The following ODAD2 variants were observed in gnomAD, a reference collection of about 807,000 sequenced individuals.
The protein encoded by ODAD2 is outer dynein arm docking complex subunit 2, also known as outer dynein arm-docking complex subunit 2.
A neutral mutation model predicts 106.8 loss-of-function variants in ODAD2; 89 were observed. The ratio of observed to expected loss-of-function variants is 0.83; its 90% CI spans 0.70 to 0.99. The LOEUF (loss-of-function observed/expected upper bound fraction) is 0.99, where lower values mean the gene tolerates loss of function less well. Among genes scored for constraint, ODAD2 ranks in the 50% least tolerant of loss-of-function variants. ODAD2 has a pLI of 0.00. For missense variants in ODAD2, 1,168 were observed against 1,238.5 expected (o/e 0.94, Z 0.85); for synonymous variants, 404 against 436.2 (o/e 0.93, Z 0.92).
chr10:27,940,931 A>G, intron 12 of ODAD2, 126 bp from the exon 13 acceptor site: 1 of 1,006,606 alleles, frequency 9.9e-7, no homozygotes, highest in Non-Finnish European at 1.4e-6. Context: ...TTAAAAAATC[A>G]CTTTTCGTAC....
At chr10:27,865,061 A>C (rs1484196735) in intron 17 of ODAD2, among the ~76,000 whole-genome samples, 3 of 152,090 alleles carry the variant, frequency 2.0e-5, no homozygotes, top group Non-Finnish European at 2.9e-5. Flanking sequence ...AAATTCTTCC[A>C]CAGCAACCCC....
intron 17 of ODAD2, among the ~76,000 whole-genome samples, chr10:27,885,830 T>A (rs1210904516): frequency 8.5e-5 from 8 of 93,646 alleles, no homozygotes; most frequent in African/African-American, 2.2e-4. Flanking sequence ...AATATATAAA[T>A]ATATATATTT....
At chr10:27,928,037 G>T (rs188694248) in intron 16 of ODAD2, among the ~76,000 whole-genome samples, 1 of 152,134 alleles carries the variant, frequency 6.6e-6, no homozygotes, top group Admixed American at 6.5e-5. Flanking sequence ...GAACCTCAAT[G>T]TCTCTACACA....
In ODAD2 at chr10:27,983,952, G is replaced by C; in HGVS notation, c.710C>G (p.Ala237Gly). Residue 237 changes from alanine to glycine, a missense_variant, in exon 6 of 20, where the codon GCC becomes GGC. Ala to Gly is a moderately conservative substitution (Grantham distance 60). Coordinates refer to ENST00000305242, the MANE Select transcript of ODAD2 (RefSeq NM_018076.5). ...CCCACGAATTTGTCTCCACGGTGGG[G>C]CTCGACATCCATTTGAAAATTCATA... is the stretch of plus-strand genomic sequence containing the variant. ...SDYEFSNGCR[A>G]PPWRQIRGEI... is the part of the protein sequence containing the mutation. 6.2e-7 allele frequency: 1 copy of C among 1,608,206 alleles called. No individual in the cohort carries two copies. Among genetic ancestry groups the C allele is most frequent in the Non-Finnish European group, 8.5e-7 (1 of 1,178,834 alleles).
rs548962858 is a variant in ODAD2 at position 27,971,836 on chromosome 10, T to C, written c.937-523A>G. On this transcript the variant is annotated intron_variant, in intron 7 of 19. Coordinates refer to ENST00000305242, the MANE Select transcript of ODAD2 (RefSeq NM_018076.5). ...CTTTACTAAGAATAAAACAAAAATC[T>C]TTCAAAAATGAAAGCAAAATAAAAA... Among the ~76,000 whole-genome samples, 145 of 152,210 alleles carry C rather than the reference T, an allele frequency of 9.5e-4. 1 individual carries two copies. The South Asian group carries it at 0.016, about 17-fold the overall frequency.
intron 17 of ODAD2, among the ~76,000 whole-genome samples, chr10:27,866,399 C>T (rs1223552992): frequency 1.3e-5 from 2 of 152,158 alleles, no homozygotes; most frequent in Non-Finnish European, 2.9e-5. Flanking sequence ...CAAATGAGGC[C>T]ATGCACATGT....
chr10:27,826,956 C>T (rs987195316), intron 19 of ODAD2, among the ~76,000 whole-genome samples: 1 of 151,996 alleles, frequency 6.6e-6, no homozygotes, highest in Non-Finnish European at 1.5e-5. Context: ...CAAGGGTGAC[C>T]TCCACTTGCT....
intron 19 of ODAD2, among the ~76,000 whole-genome samples, chr10:27,840,906 C>A (rs902570013): frequency 6.6e-6 from 1 of 152,148 alleles, no homozygotes; most frequent in African/African-American, 2.4e-5. Flanking sequence ...ATCAGACTGT[C>A]GAGCTAAAGC....
At chr10:27,892,221 T>C (rs992737999) in intron 17 of ODAD2, among the ~76,000 whole-genome samples, 3 of 150,986 alleles carry the variant, frequency 2.0e-5, no homozygotes, top group African/African-American at 7.4e-5. Flanking sequence ...GCAATCTTAA[T>C]AGGAAAAAAG....
chr10:27,889,442 C>G (rs753777381), intron 17 of ODAD2, among the ~76,000 whole-genome samples: 1 of 152,128 alleles, frequency 6.6e-6, no homozygotes, highest in Non-Finnish European at 1.5e-5. Context: ...ATATAATCAT[C>G]GTAAGTGATT....
intron 19 of ODAD2, among the ~76,000 whole-genome samples, chr10:27,826,309 T>G (rs892581895): frequency 6.6e-6 from 1 of 152,170 alleles, no homozygotes; most frequent in Non-Finnish European, 1.5e-5. Context: ...CAACCAGGCT[T>G]CCGGATCATG....
intron 17 of ODAD2, among the ~76,000 whole-genome samples, chr10:27,863,865 G>A (rs1840249974): frequency 6.6e-6 from 1 of 151,870 alleles, no homozygotes; most frequent in Admixed American, 6.6e-5. Context: ...AAATAAGAAA[G>A]GCAGCATGGG....
At chr10:27,970,101 A>AAAATAAAT (rs57804974) in intron 8 of ODAD2, among the ~76,000 whole-genome samples, 2,719 of 133,380 alleles carry the variant, frequency 0.02, 34 homozygotes, top group South Asian at 0.033. Context: ...TCTGTCTCAA[A>AAAATAAAT]AAATAAATAA....
At chr10:27,847,143 T>A (rs1219935045) in intron 19 of ODAD2, among the ~76,000 whole-genome samples, 1 of 151,964 alleles carries the variant, frequency 6.6e-6, no homozygotes, top group East Asian at 1.9e-4. Flanking sequence ...TAGACCAATA[T>A]CCCTGATGAA....
intron 14 of ODAD2, among the ~76,000 whole-genome samples, chr10:27,938,596 TC>T (rs1846161032): frequency 1.3e-5 from 2 of 151,284 alleles, no homozygotes; most frequent in African/African-American, 2.4e-5. Context: ...ATCTGTCTCT[TC>T]TTTTTTCTTT....
At chr10:27,977,728 CA>C (rs759613843) in intron 7 of ODAD2, among the ~76,000 whole-genome samples, 1 of 152,020 alleles carries the variant, frequency 6.6e-6, no homozygotes, top group Non-Finnish European at 1.5e-5. Context: ...AAAAAACAGA[CA>C]AAGAGTCCAA....
chr10:27,951,588 T>A (rs908311757), intron 10 of ODAD2, among the ~76,000 whole-genome samples: 16 of 151,570 alleles, frequency 1.1e-4, no homozygotes, highest in Admixed American at 7.2e-4. Context: ...CCTTCTATTA[T>A]ACATAAAGTG....
chr10:27,840,350 C>T (rs1589796286), intron 19 of ODAD2, among the ~76,000 whole-genome samples: 2 of 152,178 alleles, frequency 1.3e-5, no homozygotes, highest in African/African-American at 2.4e-5. Flanking sequence ...TTTCTCATGT[C>T]AGTTGGTTCA....
At chr10:27,910,871 C>T (rs1452329483) in intron 16 of ODAD2, among the ~76,000 whole-genome samples, 2 of 152,080 alleles carry the variant, frequency 1.3e-5, no homozygotes, top group Non-Finnish European at 2.9e-5. Flanking sequence ...AGTGAACTAC[C>T]CTTCCTAGGG....
Sources: allele counts gnomAD v4.1 joint callset (sites outside exome capture counted in the v4.1 genomes callset), GRCh38; gene constraint gnomAD v4.1.1; transcripts MANE v1.5; gene names NCBI Gene and HGNC (gene_info 2026-07-23, HGNC 2026-07-21).